Variants in TVP23B observed in about 807,000 individuals in gnomAD.
TVP23B encodes the protein Golgi apparatus membrane protein TVP23 homolog B.
TVP23B carries 10 observed loss-of-function variants against 30.6 expected under a neutral mutation model. The observed-to-expected ratio is 0.33, with a 90% confidence interval of 0.20 to 0.55. The LOEUF is 0.55. Ranked by LOEUF, TVP23B falls within the 20% of genes least tolerant of loss-of-function variation. The pLI is 0.91. For synonymous variants in TVP23B, 67 were observed against 83.1 expected, an observed-to-expected ratio of 0.81 and a Z score of 1.06; for missense variants, 153 against 243.2, an observed-to-expected ratio of 0.63 and a Z score of 2.47.
At chr17:18,786,394 A>G (rs1206219010) in intron 1 of TVP23B, among the ~76,000 whole-genome samples, 1 of 150,942 alleles carries the variant, frequency 6.6e-6, no homozygotes, top group Admixed American at 6.6e-5. Flanking sequence ...GGACCAGATC[A>G]TGATAGGTCA....
In TVP23B at chr17:18,781,287, G is replaced by A; in HGVS notation, c.-7G>A. On this transcript the variant is annotated 5_prime_UTR_variant, in exon 1 of 7. Coordinates refer to ENST00000307767, the MANE Select transcript of TVP23B (RefSeq NM_016078.6). ...GCTCCCGGAAGTAGGGCTGGCGTAG[G>A]GCCGCCATGTTGCAGCAGGTGAGGG... is the stretch of plus-strand genomic sequence containing the variant. The A allele has an allele frequency of 8.9e-6, 14 of 1,573,644 alleles. No homozygotes were observed. Among genetic ancestry groups the A allele is most frequent in the Non-Finnish European group, 1.2e-5 (14 of 1,160,574 alleles).
intron 3 of TVP23B, among the ~76,000 whole-genome samples, chr17:18,792,358 C>T (rs544881175): frequency 6.6e-6 from 1 of 152,162 alleles, no homozygotes; most frequent in Non-Finnish European, 1.5e-5. Context: ...TTAAAGATAC[C>T]TGAAGTGGTT....
chr17:18,798,059 GA>G (rs1175337778), intron 4 of TVP23B, among the ~76,000 whole-genome samples: 7 of 152,120 alleles, frequency 4.6e-5, no homozygotes, highest in African/African-American at 1.7e-4. Flanking sequence ...TTCTGGGCAG[GA>G]AAAAGGAGGA....
chr17:18,789,872 A>G (rs554909349), intron 2 of TVP23B, among the ~76,000 whole-genome samples: 70 of 152,292 alleles, frequency 4.6e-4, no homozygotes, highest in Middle Eastern at 6.8e-3. Flanking sequence ...CTTTTCTTTC[A>G]TCTTTCATGC....
chr17:18,791,229 CA>C (rs1443867222), intron 3 of TVP23B, among the ~76,000 whole-genome samples, 189 bp downstream of exon 3: 1 of 92,370 alleles, frequency 1.1e-5, no homozygotes, highest in Non-Finnish European at 1.9e-5. Flanking sequence ...TTCCCTTTGA[CA>C]ATACAAGATG....
intron 3 of TVP23B, among the ~76,000 whole-genome samples, chr17:18,792,988 G>C (rs533981165): frequency 2.6e-5 from 4 of 152,176 alleles, no homozygotes; most frequent in Non-Finnish European, 4.4e-5. Context: ...GTGGAAGAAA[G>C]AATTATCTTG....
chr17:18,805,078 CTTTTTTTTTTTTTT>C (rs71155360), intron 6 of TVP23B, among the ~76,000 whole-genome samples: 13,344 of 108,914 alleles, frequency 0.12, 761 homozygotes, highest in African/African-American at 0.15. Context: ...GTGACTAGGT[CTTTTTTTTTTTTTT>C]TTTTTTTTTT....
intron 2 of TVP23B, among the ~76,000 whole-genome samples, chr17:18,790,052 G>C (rs1257477811): frequency 6.6e-6 from 1 of 152,176 alleles, no homozygotes; most frequent in Non-Finnish European, 1.5e-5. Context: ...GTAATGAAAA[G>C]TTGTAAAATT....
intron 3 of TVP23B, among the ~76,000 whole-genome samples, chr17:18,792,774 C>T (rs2036016505): frequency 6.6e-6 from 1 of 151,898 alleles, no homozygotes; most frequent in Non-Finnish European, 1.5e-5. Context: ...TTATAGATAG[C>T]AAAGCAATGG....
chr17:18,799,391 C>T (rs1037035383), intron 5 of TVP23B, among the ~76,000 whole-genome samples: 2 of 151,782 alleles, frequency 1.3e-5, no homozygotes, highest in African/African-American at 4.8e-5. Flanking sequence ...GTCCCATGGC[C>T]TCTCCACATG....
chr17:18,802,732 A>G (rs1018541687), intron 5 of TVP23B, among the ~76,000 whole-genome samples: 11 of 152,248 alleles, frequency 7.2e-5, no homozygotes, highest in Non-Finnish European at 1.5e-4. Flanking sequence ...ATCTTAAACC[A>G]GAAGTTTAAC....
chr17:18,789,632 A>C, intron 2 of TVP23B, 197 bp downstream of exon 2: 1 of 582,842 alleles, frequency 1.7e-6, no homozygotes, highest in South Asian at 2.9e-5. Flanking sequence ...CTTAATACTG[A>C]GTTTTAAAAT....
At position 18,793,397 on chromosome 17, in the gene TVP23B, G is replaced by C. The variant is rs529778997; in HGVS notation, c.240+2357G>C. Among the ~76,000 whole-genome samples, 367 of 148,606 alleles carry C rather than the reference G, an allele frequency of 2.5e-3. 2 individuals carry two copies. The highest frequency in any genetic ancestry group is 8.5e-3 in the African/African-American group (342 of 40,364). On this transcript the variant is annotated intron_variant, in intron 3 of 6. Coordinates refer to ENST00000307767, the MANE Select transcript of TVP23B (RefSeq NM_016078.6). The stretch of plus-strand genomic sequence containing the variant: ...CTGAGGCGGGTGGATCATGAGGTCA[G>C]GAGATCGAGACCATCCTGGCTAACA...
intron 3 of TVP23B, among the ~76,000 whole-genome samples, chr17:18,794,736 A>G (rs1181374348): frequency 6.6e-6 from 1 of 151,844 alleles, no homozygotes; most frequent in Non-Finnish European, 1.5e-5. Context: ...GAAAATACCT[A>G]TAGAAGAGAC....
At chr17:18,800,988 A>G (rs1385576738) in intron 5 of TVP23B, among the ~76,000 whole-genome samples, 3 of 152,270 alleles carry the variant, frequency 2.0e-5, no homozygotes, top group Admixed American at 6.5e-5. Context: ...TGACTGCTCC[A>G]GTAGAGCTTA....
intron 1 of TVP23B, among the ~76,000 whole-genome samples, chr17:18,784,991 T>C (rs1375424936): frequency 6.6e-6 from 1 of 152,172 alleles, no homozygotes; most frequent in Non-Finnish European, 1.5e-5. Context: ...TCCTGTCAGC[T>C]CTCCCTTAAA....
intron 1 of TVP23B, among the ~76,000 whole-genome samples, chr17:18,785,512 C>T (rs2035891213): frequency 6.6e-6 from 1 of 151,000 alleles, no homozygotes; most frequent in Non-Finnish European, 1.5e-5. Flanking sequence ...GAATAGTGTT[C>T]TAGGTAATAT....
At position 18,784,174 on chromosome 17, in the gene TVP23B, CTT is replaced by C. The variant is rs759954539; in HGVS notation, c.12+2870_12+2871del. 1.9e-3 allele frequency among the ~76,000 whole-genome samples: 257 copies of C among 135,860 alleles called. 1 individual carries two copies. The highest frequency in any genetic ancestry group is 6.3e-3 in the African/African-American group (242 of 38,494). 89.1% of individuals were successfully genotyped at this position (135,860 alleles called of 152,430 possible). On this transcript the variant is annotated intron_variant, in intron 1 of 6. Transcript: ENST00000307767. ...CAAACAAACAAACAAACAAAACAAACTTGACACCACATGCTCTTTCACTGGTC... is the reference window on the plus strand; with the variant it reads ...CAAACAAACAAACAAACAAAACAAACGACACCACATGCTCTTTCACTGGTC...
At chr17:18,786,776 A>G (rs1249842848) in intron 1 of TVP23B, among the ~76,000 whole-genome samples, 3 of 151,710 alleles carry the variant, frequency 2.0e-5, no homozygotes, top group African/African-American at 7.3e-5. Flanking sequence ...TCTCGCATCC[A>G]TCACTTACTG....
Sources: gnomAD v4.1 joint callset for allele counts (sites outside exome capture counted in the v4.1 genomes callset) on GRCh38, gnomAD v4.1.1 for gene constraint, MANE v1.5 for transcripts, NCBI Gene and HGNC (gene_info 2026-07-23, HGNC 2026-07-21) for gene names.